The following RALYL variants were observed in gnomAD, a reference collection of about 807,000 sequenced individuals.
RALYL encodes the protein RALY RNA binding protein like.
RALYL carries 29 observed loss-of-function variants against 35.1 expected under a neutral mutation model. That is an observed-to-expected ratio of 0.83 (90% CI 0.61 to 1.13). The LOEUF is 1.13. Among genes scored for constraint, RALYL ranks in the 50% most tolerant of loss-of-function variants. RALYL has a pLI of 0.00. For missense variants in RALYL, 359 were observed against 360.4 expected (o/e 1.00, Z 0.03); for synonymous variants, 120 against 127.6 (o/e 0.94, Z 0.40).
rs16913397 is a variant in RALYL at position 84,882,149 on chromosome 8, G to A, written c.686-5455G>A. Among the ~76,000 whole-genome samples, 647 of 151,956 alleles carry A rather than the reference G, an allele frequency of 4.3e-3. 4 individuals are homozygous for A. Among genetic ancestry groups the A allele is most frequent in the African/African-American group, 0.015 (613 of 41,502 alleles). On this transcript the variant is annotated intron_variant, in intron 7 of 8. Coordinates refer to ENST00000521268, the MANE Select transcript of RALYL (RefSeq NM_173848.7). ...AATCCATAATGTAGGTGTCTTAGAG[G>A]TGTCTTTTTACATAAGCTGTTGGCT...
chr8:84,266,015 T>C (rs548134214), intron 1 of RALYL, among the ~76,000 whole-genome samples: 236 of 152,322 alleles, frequency 1.5e-3, no homozygotes, highest in Non-Finnish European at 2.5e-3. Context: ...AACTTGTTGC[T>C]TCCCAAGTCA....
chr8:84,292,766 C>T (rs1329130446), intron 1 of RALYL, among the ~76,000 whole-genome samples: 5 of 152,136 alleles, frequency 3.3e-5, no homozygotes, highest in Non-Finnish European at 7.4e-5. Flanking sequence ...ATAATCCTCC[C>T]CTTGTTTAGC....
intron 8 of RALYL, among the ~76,000 whole-genome samples, chr8:84,905,619 A>G (rs1846356925): frequency 6.6e-6 from 1 of 152,048 alleles, no homozygotes; most frequent in Non-Finnish European, 1.5e-5. Flanking sequence ...TCTTTATCCT[A>G]TTAAACAATG....
At chr8:84,363,681 G>A (rs1021198122) in intron 1 of RALYL, among the ~76,000 whole-genome samples, 1 of 152,154 alleles carries the variant, frequency 6.6e-6, no homozygotes, top group Non-Finnish European at 1.5e-5. Context: ...GGTATGAGGA[G>A]GGGTTGGGAA....
At chr8:84,870,691 G>C (rs150168369) in intron 6 of RALYL, among the ~76,000 whole-genome samples, 195 of 152,070 alleles carry the variant, frequency 1.3e-3, no homozygotes, top group African/African-American at 4.4e-3. Context: ...GGAAAAAGTA[G>C]AAAACAAAAG....
intron 2 of RALYL, among the ~76,000 whole-genome samples, chr8:84,615,530 G>A (rs1201140688): frequency 7.6e-6 from 1 of 131,570 alleles, no homozygotes; most frequent in Non-Finnish European, 1.6e-5. Flanking sequence ...ACAAATATAA[G>A]TCAATACGTT....
chr8:84,211,718 GATGTGT>G (rs143689245), intron 1 of RALYL, among the ~76,000 whole-genome samples: 5,480 of 152,166 alleles, frequency 0.036, 301 homozygotes, highest in African/African-American at 0.12. Flanking sequence ...CTGACAGCAA[GATGTGT>G]TATGATTTTA....
intron 4 of RALYL, among the ~76,000 whole-genome samples, chr8:84,807,278 T>G (rs1824873870): frequency 6.6e-6 from 1 of 152,202 alleles, no homozygotes; most frequent in South Asian, 2.1e-4. Context: ...GGTTTTCCAT[T>G]CCTGAGTTAC....
chr8:84,473,808 ATATC>A (rs1441299510), intron 1 of RALYL, among the ~76,000 whole-genome samples: 14 of 152,076 alleles, frequency 9.2e-5, no homozygotes, highest in African/African-American at 3.1e-4. Flanking sequence ...GTTCTACACT[ATATC>A]TGATCTATCA....
chr8:84,575,714 C>T (rs929170704), intron 2 of RALYL, among the ~76,000 whole-genome samples: 19 of 151,998 alleles, frequency 1.3e-4, no homozygotes. Context: ...ATTGGCATAT[C>T]CAAGAGTCTC....
At chr8:84,606,830 T>C (rs1329830346) in intron 2 of RALYL, among the ~76,000 whole-genome samples, 1 of 152,118 alleles carries the variant, frequency 6.6e-6, no homozygotes, top group Non-Finnish European at 1.5e-5. Context: ...TTGTTTAAGG[T>C]CTTTATATAA....
At chr8:84,719,477 T>C (rs762250788) in intron 2 of RALYL, among the ~76,000 whole-genome samples, 5 of 152,136 alleles carry the variant, frequency 3.3e-5, no homozygotes, top group Non-Finnish European at 7.4e-5. Context: ...CCTTATTTGA[T>C]GAGAAGTATG....
chr8:84,596,993 A>G (rs1303243341), intron 2 of RALYL, among the ~76,000 whole-genome samples: 1 of 152,134 alleles, frequency 6.6e-6, no homozygotes, highest in Non-Finnish European at 1.5e-5. Context: ...GATAGTTGAT[A>G]GAAAACAAGA....
intron 1 of RALYL, among the ~76,000 whole-genome samples, chr8:84,513,042 T>C (rs1404197321): frequency 6.6e-6 from 1 of 152,164 alleles, no homozygotes; most frequent in Non-Finnish European, 1.5e-5. Context: ...ATTTTAGTAT[T>C]CCATTTCTGT....
intron 1 of RALYL, among the ~76,000 whole-genome samples, chr8:84,399,961 A>G (rs2042726455): frequency 1.3e-5 from 2 of 152,312 alleles, no homozygotes; most frequent in South Asian, 4.1e-4. Flanking sequence ...TACTAAAAAT[A>G]GAAAAATTTG....
intron 1 of RALYL, among the ~76,000 whole-genome samples, chr8:84,415,155 C>G (rs2044512563): frequency 6.9e-6 from 1 of 144,256 alleles, no homozygotes; most frequent in African/African-American, 2.7e-5. Context: ...TAATATTCTG[C>G]CTCTGTTTTT....
At chr8:84,551,724 G>A (rs2060732299) in intron 2 of RALYL, among the ~76,000 whole-genome samples, 1 of 152,086 alleles carries the variant, frequency 6.6e-6, no homozygotes. Context: ...AATACACTGG[G>A]GGCAGAGAGC....
At chr8:84,644,562 G>A (rs748174772) in intron 2 of RALYL, among the ~76,000 whole-genome samples, 1 of 152,026 alleles carries the variant, frequency 6.6e-6, no homozygotes, top group Non-Finnish European at 1.5e-5. Flanking sequence ...GACTGCTGGA[G>A]TGACAGCAGG....
At chr8:84,731,687 T>A (rs1323893405) in intron 2 of RALYL, among the ~76,000 whole-genome samples, 1 of 152,140 alleles carries the variant, frequency 6.6e-6, no homozygotes, top group Non-Finnish European at 1.5e-5. Flanking sequence ...TTTTGTATAC[T>A]ATAGCCAGGA....
Sources: gnomAD v4.1 joint callset for allele counts (sites outside exome capture counted in the v4.1 genomes callset) on GRCh38, gnomAD v4.1.1 for gene constraint, MANE v1.5 for transcripts, NCBI Gene and HGNC (gene_info 2026-07-23, HGNC 2026-07-21) for gene names.